PEPD: variants seen among roughly 807,000 people sequenced by gnomAD.
PEPD encodes xaa-Pro dipeptidase.
Under a neutral mutation model 60.7 loss-of-function variants are expected in PEPD, and 53 were observed. The ratio of observed to expected loss-of-function variants is 0.87; its 90% CI spans 0.70 to 1.10. The LOEUF is 1.10. Among genes scored for constraint, PEPD ranks in the 50% least tolerant of loss-of-function variants. PEPD has a pLI of 0.00. For missense variants in PEPD, 711 were observed against 711.9 expected, an observed-to-expected ratio of 1.00 and a Z score of 0.01; for synonymous variants, 267 against 284.1, an observed-to-expected ratio of 0.94 and a Z score of 0.60.
chr19:33,448,472 A>T (rs1969634523), intron 9 of PEPD, among the ~76,000 whole-genome samples: 1 of 152,202 alleles, frequency 6.6e-6, no homozygotes, highest in African/African-American at 2.4e-5. Flanking sequence ...AGAGGCCTGG[A>T]GGCACCCACA....
At chr19:33,396,026 T>C (rs146468583) in intron 12 of PEPD, 15 of 152,120 alleles carry the variant, frequency 9.9e-5, no homozygotes, top group Admixed American at 2.0e-4. Context: ...GCTCCTCGAG[T>C]CTCCTCCCCC....
chr19:33,466,933 A>G (rs1177155050), intron 7 of PEPD, among the ~76,000 whole-genome samples: 4 of 152,052 alleles, frequency 2.6e-5, no homozygotes, highest in East Asian at 3.9e-4. Context: ...CGAGGCGGGC[A>G]GATCACGAGG....
At chr19:33,445,759 T>C (rs1969582500) in intron 9 of PEPD, among the ~76,000 whole-genome samples, 1 of 152,288 alleles carries the variant, frequency 6.6e-6, no homozygotes, top group Middle Eastern at 3.4e-3. Flanking sequence ...GATCCACCAG[T>C]GAGTGTGTGA....
chr19:33,480,227 A>G (rs890545769), intron 6 of PEPD, among the ~76,000 whole-genome samples: 1 of 152,242 alleles, frequency 6.6e-6, no homozygotes, highest in Non-Finnish European at 1.5e-5. Flanking sequence ...CACAAACAGA[A>G]ACGAAAGTGG....
At chr19:33,496,563 G>C (rs1047110003) in intron 4 of PEPD, among the ~76,000 whole-genome samples, 3 of 152,126 alleles carry the variant, frequency 2.0e-5, no homozygotes, top group African/African-American at 7.2e-5. Context: ...AAATATTAAG[G>C]GAACACGACG....
chr19:33,476,362 A>G (rs1391992500), intron 7 of PEPD, among the ~76,000 whole-genome samples: 1 of 151,778 alleles, frequency 6.6e-6, no homozygotes, highest in Non-Finnish European at 1.5e-5. Context: ...GACTCAACAC[A>G]CCCCAAGTCC....
intron 7 of PEPD, among the ~76,000 whole-genome samples, chr19:33,476,297 G>A (rs1478217949): frequency 3.9e-5 from 6 of 152,052 alleles, no homozygotes; most frequent in Non-Finnish European, 8.8e-5. Flanking sequence ...GCCTGTCATC[G>A]GCCCTCAGTT....
At chr19:33,463,094 A>G (rs998051741) in intron 8 of PEPD, 53 bp from the exon 9 acceptor site, 30 of 1,075,432 alleles carry the variant, frequency 2.8e-5, no homozygotes, top group Non-Finnish European at 3.9e-5. Context: ...TCAGTAACAC[A>G]GCGTGATAAA....
At position 33,414,977 on chromosome 19, in the gene PEPD, G is replaced by C. The variant is rs111718144; in HGVS notation, c.672-1334C>G. 4.6e-3 allele frequency among the ~76,000 whole-genome samples: 708 copies of C among 152,300 alleles called. 7 individuals carry two copies. The highest frequency in any genetic ancestry group is 0.016 in the African/African-American group (665 of 41,562). ...GAGGCCGCTTCCACCTCGCTCCTGG[G>C]AGTCTCAGCGCTGAGTTTCGCCACA... On this transcript the variant is annotated intron_variant, in intron 9 of 14. Coordinates refer to ENST00000244137, the MANE Select transcript of PEPD (RefSeq NM_000285.4).
chr19:33,510,650 C>G (rs955365120), intron 3 of PEPD, among the ~76,000 whole-genome samples: 5 of 152,140 alleles, frequency 3.3e-5, no homozygotes, highest in Non-Finnish European at 7.4e-5. Context: ...GGTAAGAAGG[C>G]CTTGGGAATT....
At chr19:33,452,191 C>A (rs1969712010) in intron 9 of PEPD, among the ~76,000 whole-genome samples, 2 of 152,086 alleles carry the variant, frequency 1.3e-5, no homozygotes, top group South Asian at 4.1e-4. Context: ...AGCTAAAAAC[C>A]AAAAGGTCAC....
intron 6 of PEPD, among the ~76,000 whole-genome samples, chr19:33,481,168 TAAA>T (rs922157680): frequency 2.6e-5 from 4 of 152,044 alleles, no homozygotes; most frequent in African/African-American, 9.7e-5. Flanking sequence ...TTTACAGAAA[TAAA>T]AAAGTTTATA....
chr19:33,487,518 G>A (rs4805895), intron 6 of PEPD: 12,268 of 152,354 alleles, frequency 0.081, 699 homozygotes, highest in Admixed American at 0.17. Flanking sequence ...CACCCGCTGC[G>A]CATTGCAACA....
chr19:33,433,111 T>C (rs2145399150), intron 9 of PEPD, among the ~76,000 whole-genome samples: 1 of 152,356 alleles, frequency 6.6e-6, no homozygotes, highest in Non-Finnish European at 1.5e-5. Context: ...CATTTGCATG[T>C]TGTCCCTAAT....
chr19:33,521,621 G>A, intron 1 of PEPD, 123 bp downstream of exon 1: 4 of 1,094,372 alleles, frequency 3.7e-6, no homozygotes, highest in Admixed American at 2.0e-5. Flanking sequence ...CCGGGCCAAC[G>A]GGAAGAGGCG....
intron 11 of PEPD, among the ~76,000 whole-genome samples, chr19:33,407,916 GA>G (rs764321928): frequency 3.3e-5 from 5 of 152,258 alleles, no homozygotes; most frequent in Non-Finnish European, 7.3e-5. Context: ...CACACCCAGA[GA>G]AGCGGGAAGG....
In PEPD at chr19:33,411,895, C is replaced by A. The variant is rs997156351; in HGVS notation, c.741-146G>T. 1.1e-5 allele frequency: 8 copies of A among 700,504 alleles called. No homozygotes were observed. The Admixed American group carries it at 1.6e-4, about 14-fold the overall frequency. The allele number at this position is 700,504 out of a possible 1,614,324, so 43.4% of individuals were successfully genotyped here. A position where few individuals can be genotyped will look rare whatever the true frequency, so the allele number is the denominator to read the frequency against. ...AGGCGTGGCTGGACCAGGTCCACAG[C>A]CAGAGGTAAGGCCGGGGGACATGGT... On this transcript the variant is annotated intron_variant, in intron 10 of 14. Coordinates refer to ENST00000244137, the MANE Select transcript of PEPD (RefSeq NM_000285.4).
intron 9 of PEPD, among the ~76,000 whole-genome samples, chr19:33,413,974 G>A (rs889391737): frequency 2.6e-5 from 4 of 152,334 alleles, no homozygotes; most frequent in African/African-American, 7.2e-5. Context: ...TGGAGCCTGC[G>A]CCCTGTGGGA....
intron 11 of PEPD, among the ~76,000 whole-genome samples, chr19:33,410,644 C>T (rs3786903): frequency 0.16 from 25,076 of 152,178 alleles, 2,172 homozygotes; most frequent in African/African-American, 0.19. Context: ...CTGGGCGCCA[C>T]GCAGGCCTCA....
Sources: allele counts gnomAD v4.1 joint callset (sites outside exome capture counted in the v4.1 genomes callset), GRCh38; gene constraint gnomAD v4.1.1; transcripts MANE v1.5; gene names NCBI Gene and HGNC (gene_info 2026-07-23, HGNC 2026-07-21).